The following SSX5 variants were observed in gnomAD, a reference collection of about 807,000 sequenced individuals.
SSX5 encodes the protein protein SSX5.
SSX5 carries 14 observed loss-of-function variants against 14.9 expected under a neutral mutation model. The ratio of observed to expected loss-of-function variants is 0.94; its 90% CI spans 0.62 to 1.47. The LOEUF is 1.47. Among genes scored for constraint, SSX5 ranks in the 40% most tolerant of loss-of-function variants. The probability of loss-of-function intolerance (pLI) is 0.00; values close to 1 mark genes in which losing one functional copy is unlikely to be tolerated. For missense variants in SSX5, 204 were observed against 154.6 expected (o/e 1.32, Z -1.70); for synonymous variants, 70 against 55.4 (o/e 1.26, Z -1.17).
chrX:48,191,623 A>G (rs1200359263), intron 5 of SSX5, among the ~76,000 whole-genome samples: 3 of 65,996 alleles, frequency 4.5e-5, no homozygotes, highest in Non-Finnish European at 8.7e-5. Flanking sequence ...TGGGTCTCTC[A>G]ATGGAAGCAC....
intron 6 of SSX5, among the ~76,000 whole-genome samples, chrX:48,189,814 G>A (rs1556924422): frequency 8.9e-6 from 1 of 112,051 alleles, no homozygotes; most frequent in Non-Finnish European, 1.9e-5. Context: ...CACCTTTCAT[G>A]TCATCAGGCC....
intron 6 of SSX5, among the ~76,000 whole-genome samples, chrX:48,188,077 C>T (rs1320833667): frequency 1.3e-4 from 14 of 111,679 alleles, no homozygotes; most frequent in African/African-American, 4.3e-4. Flanking sequence ...TTTATTGCAC[C>T]TCATTTTCAT....
At chrX:48,187,098 G>T (rs1305151939) in intron 7 of SSX5, among the ~76,000 whole-genome samples, 2 of 111,517 alleles carry the variant, frequency 1.8e-5, no homozygotes, top group Admixed American at 1.9e-4. Context: ...TGCTGACCTG[G>T]GGTTTGGGAA....
At position 48,194,824 on chromosome X, in the gene SSX5, C is replaced by T. The variant is rs782740855; in HGVS notation, c.100G>A (p.Glu34Lys). Residue 34 changes from glutamate (E) to lysine (K), a missense_variant, in exon 3 of 8, where the codon GAG becomes AAG. Coordinates refer to ENST00000347757, the MANE Select transcript of SSX5 (RefSeq NM_175723.2). ...GCTTTCATCTTTTCCCACTCTTTCT[C>T]AGAGAAGTATTTGGCAATATCATCG... ...AFDDIAKYFSEKEWEKMKASE... is the reference protein window; with the variant it reads ...AFDDIAKYFSKKEWEKMKASE... 13 of 1,207,158 alleles carry T rather than the reference C, an allele frequency of 1.1e-5. No individual in the cohort carries two copies. The highest frequency in any genetic ancestry group is 3.5e-5 in the African/African-American group (2 of 56,670).
chrX:48,196,535 C>T (rs1391095488), intron 1 of SSX5, among the ~76,000 whole-genome samples, 196 bp downstream of exon 1: 5 of 109,758 alleles, frequency 4.6e-5, no homozygotes, highest in African/African-American at 1.3e-4. Flanking sequence ...TGAGCCACCG[C>T]GCCCCGCCCA....
intron 6 of SSX5, among the ~76,000 whole-genome samples, chrX:48,189,610 T>A (rs1408775145): frequency 8.9e-6 from 1 of 112,615 alleles, no homozygotes; most frequent in African/African-American, 3.2e-5. Flanking sequence ...TAGTGCAAAC[T>A]TAGTAGACTT....
Position 48,194,150 on chromosome X carries a change from C to A in SSX5, c.259G>T (p.Asp87Tyr). 1 of 1,210,747 alleles carries A rather than the reference C, an allele frequency of 8.3e-7. No individual in the cohort carries two copies. The highest frequency in any genetic ancestry group is 1.1e-6 in the Non-Finnish European group (1 of 895,095). The change falls in exon 4 of 8, where the codon GAC becomes TAC. Residue 87 changes from aspartate (D) to tyrosine (Y), a missense_variant. Coordinates refer to ENST00000347757, the MANE Select transcript of SSX5 (RefSeq NM_175723.2). Reference sequence around the variant, plus strand: ...TCACCCTGATTCCCACGGTTAGGGTCATTATCAAAATCATTCCCCTGGAAG... The same window carrying A: ...TCACCCTGATTCCCACGGTTAGGGTAATTATCAAAATCATTCCCCTGGAAG... ...ADFQGNDFDN[D>Y]PNRGNQVEHP...
Position 48,187,716 on chromosome X carries a change from T to A in SSX5, c.482A>T (p.Lys161Ile). Reference protein sequence around the residue: ...VNKTSGPKRGKHAWTHRVRER... With the variant: ...VNKTSGPKRGIHAWTHRVRER... ...ACGCACTCTGTGGGTCCAGGCATGT[T>A]TCCCCCTTTTGGGTCCTATGATGGA... Residue 161 changes from lysine to isoleucine, a missense_variant, in exon 7 of 8, where the codon AAA becomes ATA. Physicochemically the swap from Lys to Ile is moderately radical, Grantham distance 102. Coordinates refer to ENST00000347757, the MANE Select transcript of SSX5 (RefSeq NM_175723.2). 8.3e-7 allele frequency: 1 copy of A among 1,209,321 alleles called. No individual in the cohort carries two copies. The highest frequency in any genetic ancestry group is 1.7e-5 in the African/African-American group (1 of 57,685).
chrX:48,186,594 A>G lies in SSX5; in HGVS notation c.*267T>C, dbSNP rs782007552. On this transcript the variant is annotated 3_prime_UTR_variant, in exon 8 of 8. Coordinates refer to ENST00000347757, the MANE Select transcript of SSX5 (RefSeq NM_175723.2). ...CTGAGGTAGGTGCATGGATACACAA[A>G]CTGAAATATGCATTAAGTATGTCTT... 1.3e-4 allele frequency: 64 copies of G among 483,310 alleles called. No individual in the cohort carries two copies. The East Asian group carries it at 2.2e-3, about 16-fold the overall frequency. The allele number at this position is 483,310 out of a possible 1,213,427, so 39.8% of individuals were successfully genotyped here. A position where few individuals can be genotyped will look rare whatever the true frequency, so the allele number is the denominator to read the frequency against.
chrX:48,193,156 G>A (rs2059426542), intron 4 of SSX5, among the ~76,000 whole-genome samples: 1 of 111,564 alleles, frequency 9.0e-6, no homozygotes, highest in Non-Finnish European at 1.9e-5. Flanking sequence ...ATTACATAAT[G>A]TGTTCATCAC....
chrX:48,192,430 T>G (rs781934212), intron 4 of SSX5, 149 bp from the exon 5 acceptor site: 1 of 902,942 alleles, frequency 1.1e-6, no homozygotes, highest in South Asian at 2.2e-5. Flanking sequence ...GAATTATGTT[T>G]AGTCATGGTT....
chrX:48,190,369 C>T, intron 5 of SSX5, 101 bp from the exon 6 acceptor site: 1 of 1,007,961 alleles, frequency 9.9e-7, no homozygotes, highest in Non-Finnish European at 1.3e-6. Context: ...AATCAATGTT[C>T]TCAACAATGC....
rs2059443046 is a variant in SSX5, at chrX:48,196,769, A to G, written c.-59T>C. On this transcript the variant is annotated 5_prime_UTR_variant, in exon 1 of 8. Coordinates refer to ENST00000347757, the MANE Select transcript of SSX5 (RefSeq NM_175723.2). ...GAATCGAAACAATCAGAGCGTGCGT[A>G]CTCTGTGGAAAAATCGAGAGAGAGA... The G allele has an allele frequency of 9.0e-6, 1 of 111,689 alleles. No homozygotes were observed. Among genetic ancestry groups the G allele is most frequent in the African/African-American group, 3.3e-5 (1 of 30,536 alleles). 9.2% of individuals were successfully genotyped at this position (111,689 alleles called of 1,213,427 possible).
chrX:48,195,232 A>T (rs1364374449), intron 2 of SSX5, 58 bp downstream of exon 2: 3 of 1,203,461 alleles, frequency 2.5e-6, no homozygotes, highest in African/African-American at 1.8e-5. Flanking sequence ...TCCTCAGAAA[A>T]CTGATCACCC....
intron 4 of SSX5, among the ~76,000 whole-genome samples, chrX:48,193,109 T>C (rs1556925106): frequency 8.9e-6 from 1 of 112,018 alleles, no homozygotes; most frequent in Non-Finnish European, 1.9e-5. Context: ...TAGAGGACTA[T>C]TTGGTTTTGA....
chrX:48,192,225 C>T lies in SSX5; in HGVS notation c.330+7G>A, dbSNP rs782148525. 1.7e-6 allele frequency: 2 copies of T among 1,210,932 alleles called. No homozygotes were observed. Among genetic ancestry groups the T allele is most frequent in the Non-Finnish European group, 1.1e-6 (1 of 894,884 alleles). The stretch of plus-strand genomic sequence containing the variant: ...TCTCTGGTCCTTTAGATTTGAGAGA[C>T]ACTCACCTTCGGGAAGATTCCCTGG... On this transcript the variant is annotated splice_region_variant and intron_variant, in intron 5 of 7. Transcript: ENST00000347757.
intron 5 of SSX5, among the ~76,000 whole-genome samples, chrX:48,191,694 A>G (rs541827255): frequency 8.9e-6 from 1 of 112,417 alleles, no homozygotes; most frequent in East Asian, 2.8e-4. Context: ...AACAAATGCA[A>G]ATGTGAATGA....
chrX:48,193,939 T>C (rs2059429634), intron 4 of SSX5, among the ~76,000 whole-genome samples, 190 bp downstream of exon 4: 1 of 109,189 alleles, frequency 9.2e-6, no homozygotes, highest in African/African-American at 3.3e-5. Context: ...AAATACATAT[T>C]CTTGTTTTGC....
chrX:48,186,613 A>G lies in SSX5; in HGVS notation c.*248T>C, dbSNP rs2059398602. ...ACACAAACTGAAATATGCATTAAGTATGTCTTGCTCATCAGTGAAAACGCT... is the reference window on the plus strand; with the variant it reads ...ACACAAACTGAAATATGCATTAAGTGTGTCTTGCTCATCAGTGAAAACGCT... On this transcript the variant is annotated 3_prime_UTR_variant, in exon 8 of 8. Transcript: ENST00000347757. 1.9e-6 allele frequency: 1 copy of G among 523,354 alleles called. No individual in the cohort carries two copies. Among genetic ancestry groups the G allele is most frequent in the East Asian group, 3.6e-5 (1 of 27,421 alleles). 43.1% of individuals were successfully genotyped at this position (523,354 alleles called of 1,213,427 possible). A position where few individuals can be genotyped will look rare whatever the true frequency, so the allele number is the denominator to read the frequency against.
Sources: gnomAD v4.1 joint callset for allele counts (sites outside exome capture counted in the v4.1 genomes callset) on GRCh38, gnomAD v4.1.1 for gene constraint, MANE v1.5 for transcripts, NCBI Gene and HGNC (gene_info 2026-07-23, HGNC 2026-07-21) for gene names.